Variants in MYH1 observed in about 807,000 individuals in gnomAD.
MYH1 encodes myosin-1.
A neutral mutation model predicts 225.6 loss-of-function variants in MYH1; 214 were observed. The observed-to-expected ratio is 0.95, with a 90% CI of 0.85 to 1.06. The LOEUF (loss-of-function observed/expected upper bound fraction) is 1.06, where lower values mean the gene tolerates loss of function less well. Ranked by LOEUF, MYH1 falls within the 50% of genes least tolerant of loss-of-function variation. The probability of loss-of-function intolerance (pLI) is 0.00; values close to 1 mark genes in which losing one functional copy is unlikely to be tolerated. For synonymous variants in MYH1, 774 were observed against 842.3 expected (o/e 0.92, Z 1.40); for missense variants, 2,098 against 2,344.2 (o/e 0.89, Z 2.17).
At chr17:10,492,846 G>GTTTTTTTTTTT (rs61147841) in intron 39 of MYH1, among the ~76,000 whole-genome samples, 2 of 146,542 alleles carry the variant, frequency 1.4e-5, no homozygotes. Context: ...GTCCAGCTTT[G>GTTTTTTTTTTT]TTTTTTTTTT....
chr17:10,516,601 A>G lies in MYH1; in HGVS notation c.42T>C (p.Ala14=). The G allele has an allele frequency of 1.2e-6, 2 of 1,614,198 alleles. No individual in the cohort carries two copies. Among genetic ancestry groups the G allele is most frequent in the Non-Finnish European group, 1.7e-6 (2 of 1,180,046 alleles). ...CCCTTTCAGACTTTCGGAGGAAAGG[A>G]GCAGCCTCCCCAAAAATGGCCATCT... ...DSEMAIFGEA[A]PFLRKSERER... is the part of the protein sequence containing the mutation. Residue 14 remains alanine, a synonymous_variant, in exon 3 of 40, where the codon GCT becomes GCC. Transcript: ENST00000226207.
In MYH1 at chr17:10,497,824, G is replaced by A. The variant is rs1332126279; in HGVS notation, c.4275C>T (p.Leu1425=). ...CASLEKTKQR[L]QNEVEDLMID... ...TCATGAGGTCCTCAACTTCATTCTG[G>A]AGCCTCTGCTTCGTCTTCTCAAGGG... The change falls in exon 31 of 40, where the codon CTC becomes CTT. Residue 1425 remains leucine (L), a synonymous_variant. Transcript: ENST00000226207. 2 of 1,613,892 alleles carry A rather than the reference G, an allele frequency of 1.2e-6. No individual in the cohort carries two copies. Among genetic ancestry groups the A allele is most frequent in the African/African-American group, 1.3e-5 (1 of 74,894 alleles).
In MYH1 at chr17:10,495,502, T is replaced by A. The variant is rs184525863; in HGVS notation, c.5170-185A>T. Among the ~76,000 whole-genome samples the A allele has an allele frequency of 6.2e-3, 947 of 152,040 alleles. 11 individuals are homozygous for A. The highest frequency in any genetic ancestry group is 0.021 in the African/African-American group (884 of 41,490). On this transcript the variant is annotated intron_variant, in intron 35 of 39. Coordinates refer to ENST00000226207, the MANE Select transcript of MYH1 (RefSeq NM_005963.4). ...ACTGGCCGGGCGCGGTGGCTCATGC[T>A]TGTAATCCCAGCACTTTGGGAGGCC... is the stretch of plus-strand genomic sequence containing the variant.
In MYH1 at chr17:10,495,310, C is replaced by A; in HGVS notation, c.5177G>T (p.Ser1726Ile). 1.2e-6 allele frequency: 2 copies of A among 1,614,062 alleles called. No individual in the cohort carries two copies. Among genetic ancestry groups the A allele is most frequent in the Non-Finnish European group, 1.7e-6 (2 of 1,180,014 alleles). Reference protein sequence around the residue: ...RVQLLHTQNTSLINTKKKLET... With the variant: ...RVQLLHTQNTILINTKKKLET... ...CAGCTTCTTCTTGGTGTTGATCAGG[C>A]TGGTGTTCTGTTTAAAATGTGAAAT... The change falls in exon 36 of 40, where the codon AGC (serine) becomes ATC (isoleucine). Residue 1726 changes from serine to isoleucine, a missense_variant. Physicochemically the swap from Ser to Ile is moderately radical, Grantham distance 142. Coordinates refer to ENST00000226207, the MANE Select transcript of MYH1 (RefSeq NM_005963.4).
At chr17:10,493,754 T>C (rs186040328) in intron 39 of MYH1, among the ~76,000 whole-genome samples, 2 of 152,320 alleles carry the variant, frequency 1.3e-5, no homozygotes, top group East Asian at 3.9e-4. Flanking sequence ...AAATTACTCT[T>C]AATTGCCTTT....
chr17:10,503,287 T>C, intron 22 of MYH1, 39 bp from the exon 23 acceptor site: 1 of 1,594,148 alleles, frequency 6.3e-7, no homozygotes, highest in Non-Finnish European at 8.5e-7. Flanking sequence ...TTTATGAAAA[T>C]TCCTAGACAT....
In MYH1 at chr17:10,501,248, A is replaced by G. The variant is rs745421129; in HGVS notation, c.3600T>C (p.His1200=). The G allele has an allele frequency of 6.2e-6, 10 of 1,614,128 alleles. No homozygotes were observed. The highest frequency in any genetic ancestry group is 4.2e-6 in the Non-Finnish European group (5 of 1,180,032). Reference sequence around the variant, plus strand: ...CCCCAAGCTCGGCCACACTATCTGCATGCTTCTTCCTCAGGGTGGCCGCCG... The same window carrying G: ...CCCCAAGCTCGGCCACACTATCTGCGTGCTTCTTCCTCAGGGTGGCCGCCG... ...EATAATLRKK[H]ADSVAELGEQ... is the part of the protein sequence containing the mutation. The change falls in exon 27 of 40, where the codon CAT becomes CAC. Residue 1200 remains histidine (H), a synonymous_variant. Transcript: ENST00000226207.
In MYH1 at chr17:10,505,257, G is replaced by A. The variant is rs750331285; in HGVS notation, c.2341C>T (p.Arg781Ter). ...ATCAGCTGGGCCAGCTTCTCATCTC[G>A]CATCTCCTCTAGGAGCCCCAGAAGA... ...AGLLGLLEEM[R>*]DEKLAQLITR... Residue 781 changes from arginine to a stop codon, truncating the protein, a stop_gained, in exon 21 of 40, where the codon CGA (arginine) becomes TGA (stop). Coordinates refer to ENST00000226207, the MANE Select transcript of MYH1 (RefSeq NM_005963.4). LOFTEE classifies it high-confidence loss of function. 2.4e-5 allele frequency: 38 copies of A among 1,613,966 alleles called. No individual in the cohort carries two copies. The Middle Eastern group carries it at 6.6e-4, about 28-fold the overall frequency.
At chr17:10,496,999 A>T in intron 33 of MYH1, 70 bp downstream of exon 33, 1 of 1,555,326 alleles carries the variant, frequency 6.4e-7, no homozygotes, top group Non-Finnish European at 8.7e-7. Flanking sequence ...CTCTTGATTC[A>T]CCATTCCTTA....
At chr17:10,508,729 C>T (rs1175604925) in intron 15 of MYH1, 57 bp from the exon 16 acceptor site, 5 of 1,568,824 alleles carry the variant, frequency 3.2e-6, no homozygotes, top group Non-Finnish European at 3.5e-6. Flanking sequence ...ATAGAAATAA[C>T]ATTTAACATT....
In MYH1 at chr17:10,496,236, T is replaced by G. The variant is rs776192470; in HGVS notation, c.4965+5A>C. 8 of 1,614,136 alleles carry G rather than the reference T, an allele frequency of 5.0e-6. No individual in the cohort carries two copies. The highest frequency in any genetic ancestry group is 6.8e-6 in the Non-Finnish European group (8 of 1,180,024). Reference sequence around the variant, plus strand: ...GTCCTGGGATCATCTGTTGGACATATTTACCTTGAGGATGGCTTGGGTGTT... The same window carrying G: ...GTCCTGGGATCATCTGTTGGACATAGTTACCTTGAGGATGGCTTGGGTGTT... On this transcript the variant is annotated splice_donor_5th_base_variant and intron_variant, in intron 34 of 39. Coordinates refer to ENST00000226207, the MANE Select transcript of MYH1 (RefSeq NM_005963.4).
chr17:10,514,181 A>AC (rs2073203040), intron 6 of MYH1, 57 bp from the exon 7 acceptor site: 1 of 1,578,508 alleles, frequency 6.3e-7, no homozygotes, highest in Non-Finnish European at 8.7e-7. Flanking sequence ...AACTACAACT[A>AC]CCTCATGGCT....
intron 22 of MYH1, among the ~76,000 whole-genome samples, chr17:10,503,955 A>G (rs544970903): frequency 2.0e-5 from 3 of 152,360 alleles, no homozygotes; most frequent in Non-Finnish European, 4.4e-5. Flanking sequence ...ACCCTGATCT[A>G]TACAAAGTAC....
chr17:10,512,629 T>C, intron 11 of MYH1, 52 bp downstream of exon 11: 4 of 1,610,506 alleles, frequency 2.5e-6, no homozygotes, highest in Non-Finnish European at 3.4e-6. Flanking sequence ...ATGGCTGTTA[T>C]TGCCATTCCC....
At chr17:10,502,331 G>A (rs1237702391) in intron 24 of MYH1, among the ~76,000 whole-genome samples, 2 of 152,160 alleles carry the variant, frequency 1.3e-5, no homozygotes, top group Non-Finnish European at 2.9e-5. Context: ...AGTGTCCTTT[G>A]TTTCTGTGAG....
At chr17:10,517,065 T>C (rs2073236755) in intron 2 of MYH1, among the ~76,000 whole-genome samples, 2 of 152,210 alleles carry the variant, frequency 1.3e-5, no homozygotes, top group African/African-American at 4.8e-5. Flanking sequence ...CCAACTGGAT[T>C]ATAAGCACCT....
intron 27 of MYH1, 102 bp downstream of exon 27, chr17:10,501,008 G>C (rs947100752): frequency 6.5e-7 from 1 of 1,536,876 alleles, no homozygotes; most frequent in Non-Finnish European, 8.8e-7. Context: ...TGAGAAAAAG[G>C]GTGCCTGATT....
In MYH1 at chr17:10,492,506, G is replaced by A. The variant is rs753589780; in HGVS notation, c.5730C>T (p.Ala1910=). 3.2e-5 allele frequency: 51 copies of A among 1,613,922 alleles called. No homozygotes were observed. Among genetic ancestry groups the A allele is most frequent in the Middle Eastern group, 1.6e-4 (1 of 6,084 alleles). ...FRRIQHELEE[A]EERADIAESQ... ...ACTCAGCAATGTCAGCCCGTTCCTCGGCCTCCTCCAGCTCGTGCTGGATCC... is the reference window on the plus strand; with the variant it reads ...ACTCAGCAATGTCAGCCCGTTCCTCAGCCTCCTCCAGCTCGTGCTGGATCC... Residue 1910 remains alanine, a synonymous_variant, in exon 40 of 40, where the codon GCC becomes GCT. Coordinates refer to ENST00000226207, the MANE Select transcript of MYH1 (RefSeq NM_005963.4).
At chr17:10,499,392 C>T (rs998048411) in intron 28 of MYH1, among the ~76,000 whole-genome samples, 1 of 152,168 alleles carries the variant, frequency 6.6e-6, no homozygotes, top group African/African-American at 2.4e-5. Flanking sequence ...ATCAAGCCAA[C>T]AAAATATTCT....
Sources: allele counts gnomAD v4.1 joint callset (sites outside exome capture counted in the v4.1 genomes callset), GRCh38; gene constraint gnomAD v4.1.1; transcripts MANE v1.5; gene names NCBI Gene and HGNC (gene_info 2026-07-23, HGNC 2026-07-21).